The following ST7 variants were observed in gnomAD, a reference collection of about 807,000 sequenced individuals.
ST7 encodes suppressor of tumorigenicity 7 protein.
A neutral mutation model predicts 78.7 loss-of-function variants in ST7; 28 were observed. The ratio of observed to expected loss-of-function variants is 0.36; its 90% CI spans 0.26 to 0.49. ST7 has a LOEUF of 0.49. ST7 is among the 20% of genes least tolerant of loss of function. ST7 has a pLI of 0.99. For synonymous variants in ST7, 247 were observed against 249.6 expected (o/e 0.99, Z 0.10); for missense variants, 418 against 696.0 (o/e 0.60, Z 4.49).
chr7:116,986,967 T>G (rs549606856), intron 1 of ST7, among the ~76,000 whole-genome samples: 18 of 152,198 alleles, frequency 1.2e-4, no homozygotes, highest in Admixed American at 6.5e-5. Flanking sequence ...TGAGAATTCA[T>G]GTGTGTGTTC....
intron 2 of ST7, among the ~76,000 whole-genome samples, chr7:117,108,203 T>C (rs1224539971): frequency 2.0e-5 from 3 of 152,206 alleles, no homozygotes; most frequent in Non-Finnish European, 4.4e-5. Flanking sequence ...TGTTATCTTC[T>C]AGAACTTTTA....
chr7:117,043,893 T>C (rs1797357708), intron 1 of ST7, among the ~76,000 whole-genome samples: 1 of 152,348 alleles, frequency 6.6e-6, no homozygotes, highest in African/African-American at 2.4e-5. Flanking sequence ...AAGATGAAGA[T>C]AATGATCTGT....
intron 1 of ST7, chr7:116,968,436 G>A (rs971848012): frequency 1.1e-5 from 5 of 449,946 alleles, no homozygotes; most frequent in Non-Finnish European, 2.2e-5. Context: ...TCGAATTCCT[G>A]GGCTCAAGCA....
chr7:117,140,092 A>C (rs1334946426), intron 9 of ST7, among the ~76,000 whole-genome samples: 5 of 152,220 alleles, frequency 3.3e-5, no homozygotes, highest in African/African-American at 1.2e-4. Flanking sequence ...AATTCTGATG[A>C]TTTTAATTTC....
In ST7 at chr7:117,190,053, T is replaced by G. The variant is rs1304577952; in HGVS notation, c.1151+660T>G. On this transcript the variant is annotated intron_variant, in intron 11 of 15. Coordinates refer to ENST00000323984, the MANE Select transcript of ST7 (RefSeq NM_001369598.1). This position sits in a 1 kb window ranked among gnomAD's most constrained non-coding sequence, Gnocchi z 5.2. ...CAGAGAACAGGAAACCAGCCTCTGC[T>G]GTATCAGACAGGTTTGCTGTTAAGT... 1 of 160,992 alleles carries G rather than the reference T, an allele frequency of 6.2e-6. No individual in the cohort carries two copies. Among genetic ancestry groups the G allele is most frequent in the Non-Finnish European group, 1.5e-5 (1 of 68,138 alleles). The allele number at this position is 160,992 out of a possible 1,614,324, so 10.0% of individuals were successfully genotyped here. A position where few individuals can be genotyped will look rare whatever the true frequency, so the allele number is the denominator to read the frequency against.
intron 1 of ST7, among the ~76,000 whole-genome samples, chr7:116,976,757 T>C (rs1470131213): frequency 6.6e-6 from 1 of 152,236 alleles, no homozygotes; most frequent in Non-Finnish European, 1.5e-5. Flanking sequence ...GAATTATGAA[T>C]AATGATTCAG....
chr7:117,224,138 G>A (rs573908913), intron 15 of ST7, among the ~76,000 whole-genome samples: 12 of 152,192 alleles, frequency 7.9e-5, no homozygotes, highest in African/African-American at 2.9e-4. Context: ...TTGATTATTG[G>A]ATGACTCAGA....
intron 1 of ST7, chr7:117,073,109 CAG>C (rs1396049276): frequency 4.6e-5 from 7 of 152,106 alleles, no homozygotes; most frequent in East Asian, 1.9e-4. Flanking sequence ...AGGAGACTGA[CAG>C]GGGGTATTAA....
At chr7:116,972,876 G>A in intron 1 of ST7, 3 of 1,298,066 alleles carry the variant, frequency 2.3e-6, no homozygotes, top group Non-Finnish European at 3.3e-6. Flanking sequence ...CCTGGATATT[G>A]CCCTTAACCG....
intron 1 of ST7, among the ~76,000 whole-genome samples, chr7:116,982,245 A>G (rs1243751578): frequency 6.6e-6 from 1 of 151,626 alleles, no homozygotes; most frequent in African/African-American, 2.4e-5. Context: ...GTTTTTTGAG[A>G]TAGACTTTTG....
At chr7:117,138,662 C>A in intron 9 of ST7, 130 bp downstream of exon 9, 1 of 552,726 alleles carries the variant, frequency 1.8e-6, no homozygotes, top group Non-Finnish European at 3.2e-6. Context: ...TGGGGTTCAA[C>A]TCTAGTTCCC....
chr7:117,089,690 G>C (rs1800446012), intron 1 of ST7, among the ~76,000 whole-genome samples: 1 of 151,304 alleles, frequency 6.6e-6, no homozygotes, highest in African/African-American at 2.4e-5. Context: ...TCCTGCCTCA[G>C]CCTCCTGAGT....
chr7:117,080,706 A>G (rs747038530), intron 1 of ST7, among the ~76,000 whole-genome samples: 5 of 152,240 alleles, frequency 3.3e-5, no homozygotes, highest in Non-Finnish European at 7.3e-5. Context: ...TGACTTCAGC[A>G]AGTAAATTTG....
chr7:117,099,250 A>G (rs1452435439), intron 1 of ST7, among the ~76,000 whole-genome samples: 2 of 152,038 alleles, frequency 1.3e-5, no homozygotes, highest in African/African-American at 4.8e-5. Context: ...GCACCAACCT[A>G]ATAACTTGTC....
In ST7 at chr7:116,954,601, T is replaced by C. The variant is rs182392037; in HGVS notation, c.151+910T>C. ...CACCCGCAAAGAAAACACACGAGCC[T>C]TAACACTCCAGAGAGTTCCGAAACA... is the stretch of plus-strand genomic sequence containing the variant. On this transcript the variant is annotated intron_variant, in intron 1 of 15. Transcript: ENST00000323984. 54 of 152,730 alleles carry C rather than the reference T, an allele frequency of 3.5e-4. No individual in the cohort carries two copies. The East Asian group carries it at 9.8e-3, about 28-fold the overall frequency. 9.5% of individuals were successfully genotyped at this position (152,730 alleles called of 1,614,324 possible).
intron 1 of ST7, among the ~76,000 whole-genome samples, chr7:117,067,437 T>G (rs1798699095): frequency 6.6e-6 from 1 of 152,116 alleles, no homozygotes. Flanking sequence ...AGTATAGAAC[T>G]GAGCTTGGTT....
At chr7:117,179,209 C>T (rs1461410297) in intron 10 of ST7, among the ~76,000 whole-genome samples, 4 of 152,172 alleles carry the variant, frequency 2.6e-5, no homozygotes, top group Non-Finnish European at 5.9e-5. Context: ...TCAATTTTGG[C>T]TTCTAGGAGC....
At chr7:117,186,349 A>G (rs1021462901) in intron 10 of ST7, among the ~76,000 whole-genome samples, 4 of 152,210 alleles carry the variant, frequency 2.6e-5, no homozygotes, top group African/African-American at 9.7e-5. Context: ...AGTGATAACT[A>G]TGACAGCACC....
chr7:117,197,575 T>G, intron 12 of ST7, among the ~76,000 whole-genome samples: 1 of 152,230 alleles, frequency 6.6e-6, no homozygotes, highest in East Asian at 1.9e-4. Context: ...ATATCCTCAC[T>G]GTCATTGAGC....
Sources: gnomAD v4.1 joint callset for allele counts (sites outside exome capture counted in the v4.1 genomes callset) on GRCh38, gnomAD v4.1.1 for gene constraint, Gnocchi (gnomAD v3.1) non-coding constraint, MANE v1.5 for transcripts, NCBI Gene and HGNC (gene_info 2026-07-23, HGNC 2026-07-21) for gene names.